The following TENM2 variants were observed in gnomAD, a reference collection of about 807,000 sequenced individuals.
TENM2 encodes teneurin-2.
TENM2 carries 52 observed loss-of-function variants against 245.2 expected under a neutral mutation model. The observed-to-expected ratio is 0.21, with a 90% CI of 0.17 to 0.27. The LOEUF is 0.27. TENM2 is among the 10% of genes least tolerant of loss of function. The probability of loss-of-function intolerance (pLI) is 1.00; values close to 1 mark genes in which losing one functional copy is unlikely to be tolerated. For missense variants in TENM2, 3,046 were observed against 3,666.8 expected, an observed-to-expected ratio of 0.83 and a Z score of 4.37; for synonymous variants, 1,363 against 1,438.9, an observed-to-expected ratio of 0.95 and a Z score of 1.19.
intron 2 of TENM2, among the ~76,000 whole-genome samples, chr5:167,618,031 G>C (rs1777904634): frequency 6.6e-6 from 1 of 152,084 alleles, no homozygotes; most frequent in Non-Finnish European, 1.5e-5. Context: ...CTTGGGATTG[G>C]AGGTCTTGAA....
chr5:167,439,409 C>T (rs1194364628), intron 2 of TENM2, among the ~76,000 whole-genome samples: 3 of 152,110 alleles, frequency 2.0e-5, no homozygotes, highest in Non-Finnish European at 4.4e-5. Context: ...GCACCAAATT[C>T]AGTGGTGTAA....
chr5:168,030,906 G>T (rs114899469), intron 5 of TENM2, among the ~76,000 whole-genome samples: 1,772 of 152,238 alleles, frequency 0.012, 34 homozygotes, highest in African/African-American at 0.039. Context: ...GAGGTTGGGG[G>T]CTCGTCTTAA....
In TENM2 at chr5:168,127,416, G is replaced by A. The variant is rs536808579; in HGVS notation, c.2422+450G>A. On this transcript the variant is annotated intron_variant, in intron 12 of 28. Coordinates refer to ENST00000518659, the Ensembl canonical transcript of TENM2. ...GCAGGACTCTCAGGTTCCCTCCGTAGCAGGTACCACGGTAAGGTCCTGAGA... is the reference window on the plus strand; with the variant it reads ...GCAGGACTCTCAGGTTCCCTCCGTAACAGGTACCACGGTAAGGTCCTGAGA... Among the ~76,000 whole-genome samples the A allele has an allele frequency of 3.3e-5, 5 of 152,260 alleles. No homozygotes were observed. In the East Asian group the frequency reaches 7.7e-4, roughly 24 times the overall value.
intron 2 of TENM2, among the ~76,000 whole-genome samples, chr5:167,436,163 G>C (rs1764545458): frequency 2.0e-5 from 3 of 151,652 alleles, no homozygotes. Context: ...ATTTTTAGTA[G>C]AGACAGGGTT....
At chr5:167,852,500 T>A (rs1444766493) in intron 2 of TENM2, among the ~76,000 whole-genome samples, 1 of 152,226 alleles carries the variant, frequency 6.6e-6, no homozygotes, top group Non-Finnish European at 1.5e-5. Context: ...AAATTGTTTT[T>A]TATTATTTAT....
intron 2 of TENM2, among the ~76,000 whole-genome samples, chr5:167,643,852 A>G (rs1779762245): frequency 6.6e-6 from 1 of 152,234 alleles, no homozygotes; most frequent in Admixed American, 6.5e-5. Context: ...GTGTTAAGTA[A>G]TGCAATTGAG....
the TENM2 span, among the ~76,000 whole-genome samples, chr5:167,018,050 T>G: frequency 1.3e-5 from 2 of 152,188 alleles, no homozygotes; most frequent in African/African-American, 4.8e-5. Flanking sequence ...GAATAGTCCT[T>G]TAGGATTCTT....
the TENM2 span, among the ~76,000 whole-genome samples, chr5:166,995,814 CAAAAAAAAAAAAAAAAA>C: frequency 1.7e-5 from 1 of 59,246 alleles, no homozygotes; most frequent in Non-Finnish European, 2.9e-5. Flanking sequence ...GACTCCATCT[CAAAAAAAAAAAAAAAAA>C]AAAAAAAAAA....
At chr5:167,452,351 G>A (rs1218278329) in intron 2 of TENM2, among the ~76,000 whole-genome samples, 5 of 152,136 alleles carry the variant, frequency 3.3e-5, no homozygotes, top group East Asian at 1.9e-4. Context: ...TGCATTATAC[G>A]CAAGTCAGGG....
the TENM2 span, among the ~76,000 whole-genome samples, chr5:167,045,172 A>C: frequency 6.6e-6 from 1 of 152,174 alleles, no homozygotes; most frequent in Non-Finnish European, 1.5e-5. Flanking sequence ...GGTGGGGAAG[A>C]AGGGAGATGG....
At chr5:167,737,703 G>A (rs1760898472) in intron 2 of TENM2, among the ~76,000 whole-genome samples, 1 of 152,156 alleles carries the variant, frequency 6.6e-6, no homozygotes, top group South Asian at 2.1e-4. Flanking sequence ...CAGGAATTCA[G>A]GGATGTTCAG....
chr5:168,222,092 C>T (rs891386017), intron 23 of TENM2, among the ~76,000 whole-genome samples: 1 of 152,210 alleles, frequency 6.6e-6, no homozygotes, highest in Non-Finnish European at 1.5e-5. Context: ...CTGTCTCCTT[C>T]CTACCCCTCA....
the TENM2 span, among the ~76,000 whole-genome samples, chr5:167,028,979 T>A: frequency 6.6e-6 from 1 of 152,212 alleles, no homozygotes; most frequent in Non-Finnish European, 1.5e-5. Context: ...TTAATGTGTT[T>A]GCATTTTATT....
intron 2 of TENM2, among the ~76,000 whole-genome samples, chr5:167,872,506 A>AAGAC (rs1192915273): frequency 1.3e-4 from 2 of 15,074 alleles, no homozygotes; most frequent in African/African-American, 2.2e-4. Context: ...GAAAGAAAGA[A>AAGAC]AGAAAGAAAG....
the TENM2 span, among the ~76,000 whole-genome samples, chr5:167,242,523 C>G: frequency 6.6e-6 from 1 of 152,080 alleles, no homozygotes; most frequent in African/African-American, 2.4e-5. Flanking sequence ...CCTCTGCTGC[C>G]CCTAAGACAA....
intron 12 of TENM2, among the ~76,000 whole-genome samples, chr5:168,158,288 C>T (rs1252086014): frequency 6.6e-6 from 1 of 152,040 alleles, no homozygotes; most frequent in Non-Finnish European, 1.5e-5. Context: ...AAAAATTCTC[C>T]CTGGGAAGAG....
intron 4 of TENM2, among the ~76,000 whole-genome samples, chr5:167,986,984 G>T (rs941909226): frequency 2.0e-5 from 3 of 152,090 alleles, no homozygotes; most frequent in South Asian, 2.1e-4. Context: ...TCAACTTTTT[G>T]TTATGAAAAA....
At chr5:167,249,929 TTCTGAGC>T in the TENM2 span, among the ~76,000 whole-genome samples, 1 of 152,146 alleles carries the variant, frequency 6.6e-6, no homozygotes, top group Non-Finnish European at 1.5e-5. Flanking sequence ...GAATTCAGAA[TTCTGAGC>T]TCTGACTGTG....
chr5:167,635,708 T>C (rs279391), intron 2 of TENM2, among the ~76,000 whole-genome samples: 1 of 143,380 alleles, frequency 7.0e-6, no homozygotes. Context: ...GCAATGGCGC[T>C]ATCTCGGCTC....
Sources: gnomAD v4.1 joint callset for allele counts (sites outside exome capture counted in the v4.1 genomes callset) on GRCh38, gnomAD v4.1.1 for gene constraint, MANE v1.5 for transcripts, NCBI Gene and HGNC (gene_info 2026-07-23, HGNC 2026-07-21) for gene names.